The following PTPRD variants were observed in gnomAD, a reference collection of about 807,000 sequenced individuals.
PTPRD encodes protein tyrosine phosphatase receptor type D.
A neutral mutation model predicts 214.5 loss-of-function variants in PTPRD; 34 were observed. The ratio of observed to expected loss-of-function variants is 0.16; its 90% CI spans 0.12 to 0.21. The LOEUF (loss-of-function observed/expected upper bound fraction) is 0.21. PTPRD is among the 10% of genes least tolerant of loss of function. The probability of loss-of-function intolerance (pLI) is 1.00; values close to 1 mark genes in which losing one functional copy is unlikely to be tolerated. For synonymous variants in PTPRD, 1,128 were observed against 845.7 expected, an observed-to-expected ratio of 1.33 and a Z score of -5.79; for missense variants, 2,545 against 2,398.7, an observed-to-expected ratio of 1.06 and a Z score of -1.27.
intron 10 of PTPRD, among the ~76,000 whole-genome samples, chr9:9,044,727 T>G (rs1372054518): frequency 6.6e-6 from 1 of 152,174 alleles, no homozygotes; most frequent in African/African-American, 2.4e-5. Flanking sequence ...GAATATGCAG[T>G]AATTACCCTT....
intron 14 of PTPRD, among the ~76,000 whole-genome samples, chr9:8,549,626 T>C (rs2081396489): frequency 6.6e-6 from 1 of 152,158 alleles, no homozygotes; most frequent in Admixed American, 6.5e-5. Context: ...AATATTTGCC[T>C]TGTGAGGAGG....
chr9:9,366,882 C>CT (rs897633788), intron 9 of PTPRD, among the ~76,000 whole-genome samples: 9 of 150,302 alleles, frequency 6.0e-5, no homozygotes, highest in Admixed American at 1.3e-4. Flanking sequence ...GAGATACTGA[C>CT]TTTTTTTTTC....
chr9:9,779,888 C>T (rs1244943385), intron 5 of PTPRD, among the ~76,000 whole-genome samples: 1 of 152,186 alleles, frequency 6.6e-6, no homozygotes, highest in Non-Finnish European at 1.5e-5. Context: ...CCATTCAACC[C>T]AGCAATCCCA....
chr9:8,627,797 T>A (rs1348239193), intron 14 of PTPRD, among the ~76,000 whole-genome samples: 1 of 151,880 alleles, frequency 6.6e-6, no homozygotes, highest in Non-Finnish European at 1.5e-5. Context: ...CACATGGGCT[T>A]CTGTCTTTGT....
At chr9:8,884,410 T>C (rs999407159) in intron 11 of PTPRD, among the ~76,000 whole-genome samples, 2 of 152,026 alleles carry the variant, frequency 1.3e-5, no homozygotes, top group African/African-American at 4.8e-5. Context: ...CACAGGAAAA[T>C]GAGTAACCCA....
At chr9:10,314,184 C>A (rs530365921) in intron 3 of PTPRD, among the ~76,000 whole-genome samples, 1 of 151,938 alleles carries the variant, frequency 6.6e-6, no homozygotes, top group East Asian at 1.9e-4. Context: ...ATGGTAGATA[C>A]ATACAAAATG....
chr9:9,640,690 C>G (rs2154365632), intron 7 of PTPRD, among the ~76,000 whole-genome samples: 1 of 152,278 alleles, frequency 6.6e-6, no homozygotes, highest in African/African-American at 2.4e-5. Flanking sequence ...ATGGACCAAT[C>G]ATCAGAATAG....
intron 8 of PTPRD, among the ~76,000 whole-genome samples, chr9:9,544,405 A>G (rs568319838): frequency 6.6e-6 from 1 of 151,730 alleles, no homozygotes; most frequent in South Asian, 2.1e-4. Context: ...CTTCATTTTG[A>G]TTTTTTAGGT....
intron 11 of PTPRD, among the ~76,000 whole-genome samples, chr9:8,774,009 C>T (rs947868724): frequency 7.9e-5 from 12 of 152,278 alleles, no homozygotes; most frequent in South Asian, 4.1e-4. Context: ...CCCTCCTCAA[C>T]GCGCAAAGGA....
intron 11 of PTPRD, among the ~76,000 whole-genome samples, chr9:8,751,385 G>T (rs999975032): frequency 1.3e-5 from 2 of 150,054 alleles, no homozygotes; most frequent in Non-Finnish European, 2.9e-5. Flanking sequence ...ATTCCGGAAA[G>T]GCTTTCTACA....
chr9:8,776,223 T>C (rs7045482), intron 11 of PTPRD, among the ~76,000 whole-genome samples: 108,193 of 152,074 alleles, frequency 0.71, 38,513 homozygotes, highest in Middle Eastern at 0.81. Context: ...GCACAAGGCA[T>C]ACAACTATAC....
chr9:10,542,790 C>G (rs1024387067), intron 2 of PTPRD, among the ~76,000 whole-genome samples: 4 of 152,108 alleles, frequency 2.6e-5, no homozygotes, highest in Admixed American at 2.6e-4. Context: ...GTGATCTTGG[C>G]TCACCACAAC....
At chr9:9,802,695 C>A (rs1272185788) in intron 5 of PTPRD, among the ~76,000 whole-genome samples, 1 of 151,586 alleles carries the variant, frequency 6.6e-6, no homozygotes, top group East Asian at 1.9e-4. Context: ...CAGAATAGGA[C>A]CTAGCTTATA....
chr9:10,522,128 C>T (rs1018491477), intron 2 of PTPRD, among the ~76,000 whole-genome samples: 4 of 151,994 alleles, frequency 2.6e-5, no homozygotes, highest in Admixed American at 1.3e-4. Context: ...CTTCAAATAC[C>T]GAAAGGTTTG....
intron 9 of PTPRD, among the ~76,000 whole-genome samples, chr9:9,305,168 A>G (rs1449730569): frequency 2.0e-5 from 3 of 151,446 alleles, no homozygotes; most frequent in African/African-American, 7.3e-5. Flanking sequence ...AATACAGTAC[A>G]CATATTTCAG....
At chr9:9,378,927 A>G (rs188725666) in intron 9 of PTPRD, among the ~76,000 whole-genome samples, 1 of 151,574 alleles carries the variant, frequency 6.6e-6, no homozygotes, top group African/African-American at 2.4e-5. Context: ...ATCCTTTGTA[A>G]ATATTTTCTT....
intron 8 of PTPRD, among the ~76,000 whole-genome samples, chr9:9,487,224 C>T (rs1271844303): frequency 1.3e-5 from 2 of 149,858 alleles, no homozygotes; most frequent in Non-Finnish European, 3.0e-5. Flanking sequence ...CCCCACCCAA[C>T]AACAGTCCCC....
At chr9:10,443,665 T>C (rs2098777284) in intron 2 of PTPRD, among the ~76,000 whole-genome samples, 1 of 151,638 alleles carries the variant, frequency 6.6e-6, no homozygotes, top group African/African-American at 2.4e-5. Context: ...CAAATAAGAT[T>C]TATTGCTAAA....
At chr9:9,878,518 C>T (rs1186034933) in intron 5 of PTPRD, among the ~76,000 whole-genome samples, 2 of 152,132 alleles carry the variant, frequency 1.3e-5, no homozygotes, top group Non-Finnish European at 2.9e-5. Flanking sequence ...AATGTAATAG[C>T]AGACAAATTA....
Sources: allele counts gnomAD v4.1 joint callset (sites outside exome capture counted in the v4.1 genomes callset), GRCh38; gene constraint gnomAD v4.1.1; transcripts MANE v1.5; gene names NCBI Gene and HGNC (gene_info 2026-07-23, HGNC 2026-07-21).